FNTB: variants seen among roughly 807,000 people sequenced by gnomAD.
The protein encoded by FNTB is protein farnesyltransferase subunit beta.
A neutral mutation model predicts 59.4 loss-of-function variants in FNTB; 27 were observed. That is an observed-to-expected ratio of 0.45 (90% confidence interval 0.34 to 0.63). The LOEUF is 0.63. FNTB is among the 20% of genes least tolerant of loss of function. The probability of loss-of-function intolerance (pLI) is 0.02; values close to 1 mark genes in which losing one functional copy is unlikely to be tolerated. For synonymous variants in FNTB, 230 were observed against 220.7 expected (o/e 1.04, Z -0.37); for missense variants, 449 against 559.6 (o/e 0.80, Z 1.99).
At chr14:64,996,406 A>T (rs1375684078) in intron 1 of FNTB, among the ~76,000 whole-genome samples, 1 of 152,186 alleles carries the variant, frequency 6.6e-6, no homozygotes, top group Non-Finnish European at 1.5e-5. Flanking sequence ...CCTTTTTGCC[A>T]TATCGTGAGT....
chr14:65,053,557 C>T (rs2062659294), intron 10 of FNTB, among the ~76,000 whole-genome samples: 1 of 151,898 alleles, frequency 6.6e-6, no homozygotes, highest in African/African-American at 2.4e-5. Flanking sequence ...GTCTTGTCCC[C>T]CAGCCTGCAT....
chr14:65,059,959 A>G (rs2062824303), intron 11 of FNTB, among the ~76,000 whole-genome samples: 1 of 149,102 alleles, frequency 6.7e-6, no homozygotes, highest in Non-Finnish European at 1.5e-5. Flanking sequence ...TCAGCCTCCC[A>G]ACTAGCTGGG....
rs1283034452 is a variant in FNTB at position 65,028,913 on chromosome 14, A to G, written c.605+1132A>G. On this transcript the variant is annotated intron_variant, in intron 6 of 11. Transcript: ENST00000246166. This position sits in a 1 kb window ranked among gnomAD's most constrained non-coding sequence, Gnocchi z 4.4. ...ACGCAGCTTTTAAAAACCTACTAAGATTATTAGGCAAAAGCAAACAAATCA... is the reference window on the plus strand; with the variant it reads ...ACGCAGCTTTTAAAAACCTACTAAGGTTATTAGGCAAAAGCAAACAAATCA... 6.7e-6 allele frequency among the ~76,000 whole-genome samples: 1 copy of G among 150,216 alleles called. No individual in the cohort carries two copies. Among genetic ancestry groups the G allele is most frequent in the Middle Eastern group, 3.2e-3 (1 of 310 alleles).
chr14:65,048,020 C>G (rs1300090971), intron 9 of FNTB, among the ~76,000 whole-genome samples: 1 of 118,730 alleles, frequency 8.4e-6, no homozygotes, highest in Non-Finnish European at 1.6e-5. Context: ...CAGAGTCTCA[C>G]TCTGTTGCTG....
chr14:65,048,989 G>C (rs991769131), intron 9 of FNTB, among the ~76,000 whole-genome samples: 3 of 151,978 alleles, frequency 2.0e-5, no homozygotes, highest in African/African-American at 7.2e-5. Flanking sequence ...AGCCAGGCAT[G>C]GTGCCACGTT....
intron 4 of FNTB, among the ~76,000 whole-genome samples, chr14:65,025,268 T>A (rs1379775435): frequency 1.3e-5 from 2 of 152,198 alleles, no homozygotes; most frequent in Non-Finnish European, 2.9e-5. Context: ...TCGGCACGAT[T>A]CTATCTTAGG....
rs527582270 is a variant in FNTB, at chr14:65,011,415, C to T, written c.210-902C>T. ...CTGCACTCCAGCCTGGGTGACAGAG[C>T]GAGACTCCGTCTCAGGAAAAAAAAA... On this transcript the variant is annotated intron_variant, in intron 2 of 11. Coordinates refer to ENST00000246166, the MANE Select transcript of FNTB (RefSeq NM_002028.4). This position sits in a 1 kb window ranked among gnomAD's most constrained non-coding sequence, Gnocchi z 4.0. 1.6e-5 allele frequency among the ~76,000 whole-genome samples: 2 copies of T among 127,936 alleles called. No individual in the cohort carries two copies. Among genetic ancestry groups the T allele is most frequent in the East Asian group, 2.3e-4 (1 of 4,298 alleles). 83.9% of individuals were successfully genotyped at this position (127,936 alleles called of 152,430 possible).
intron 11 of FNTB, among the ~76,000 whole-genome samples, chr14:65,060,696 T>A (rs1279430606): frequency 2.2e-4 from 6 of 27,594 alleles, no homozygotes; most frequent in South Asian, 1.3e-3. Flanking sequence ...AGACTCCGTC[T>A]CAAAAAAAAA....
chr14:65,016,294 A>G (rs1273212396), intron 4 of FNTB, among the ~76,000 whole-genome samples: 1 of 152,220 alleles, frequency 6.6e-6, no homozygotes, highest in East Asian at 1.9e-4. Context: ...TACAGATGGC[A>G]TTCGTGATCT....
chr14:65,015,772 G>C, intron 4 of FNTB, 56 bp downstream of exon 4: 1 of 1,580,708 alleles, frequency 6.3e-7, no homozygotes, highest in Non-Finnish European at 8.7e-7. Context: ...TTTGAGTTTG[G>C]GATTTTGTTT....
intron 11 of FNTB, among the ~76,000 whole-genome samples, chr14:65,060,160 A>G (rs1016677777): frequency 1.3e-5 from 2 of 152,048 alleles, no homozygotes; most frequent in Non-Finnish European, 2.9e-5. Flanking sequence ...AAATGTAAAT[A>G]CATGTTTATT....
chr14:65,015,198 G>T (rs1447544264), intron 3 of FNTB, among the ~76,000 whole-genome samples: 1 of 151,580 alleles, frequency 6.6e-6, no homozygotes, highest in Non-Finnish European at 1.5e-5. Context: ...TGCCTCCCGG[G>T]TTCAAGTGAT....
At position 64,988,527 on chromosome 14, in the gene FNTB, C is replaced by T. The variant is rs567022682; in HGVS notation, c.144+1430C>T. On this transcript the variant is annotated intron_variant, in intron 1 of 11. Transcript: ENST00000246166. ...CTGGCTTACTGCACCCTCCGCCTCC[C>T]GGGTTCACGCCATTCGCCTGCCTCA... is the stretch of plus-strand genomic sequence containing the variant. 1.3e-3 allele frequency among the ~76,000 whole-genome samples: 193 copies of T among 151,448 alleles called. 1 individual carries two copies. Among genetic ancestry groups the T allele is most frequent in the African/African-American group, 4.6e-3 (190 of 41,178 alleles).
rs117929576 is a variant in FNTB at position 65,001,584 on chromosome 14, A to G, written c.145-2665A>G. On this transcript the variant is annotated intron_variant, in intron 1 of 11. Transcript: ENST00000246166. The surrounding 1 kb of genome is among the most constrained non-coding windows in gnomAD (Gnocchi z 5.5). ...TTGTGTAAATACTCCAGCATTTTAT[A>G]TCAAGGACTTGAGCATCCACAGATT... 1.6e-3 allele frequency among the ~76,000 whole-genome samples: 237 copies of G among 152,326 alleles called. 1 individual carries two copies. The highest frequency in any genetic ancestry group is 2.7e-3 in the Non-Finnish European group (183 of 68,034).
In FNTB at chr14:65,011,373, A is replaced by G. The variant is rs1318730918; in HGVS notation, c.210-944A>G. Among the ~76,000 whole-genome samples the G allele has an allele frequency of 6.6e-6, 1 of 151,116 alleles. No homozygotes were observed. Among genetic ancestry groups the G allele is most frequent in the Non-Finnish European group, 1.5e-5 (1 of 67,902 alleles). On this transcript the variant is annotated intron_variant, in intron 2 of 11. Coordinates refer to ENST00000246166, the MANE Select transcript of FNTB (RefSeq NM_002028.4). The surrounding 1 kb of genome is among the most constrained non-coding windows in gnomAD (Gnocchi z 4.0). ...GAACCCAAGAGGTGGAGGTTGCAGT[A>G]AGCTGAAATCACACCACTGCACTCC...
chr14:65,044,951 A>G lies in FNTB; in HGVS notation c.955+508A>G, dbSNP rs529158632. On this transcript the variant is annotated intron_variant, in intron 9 of 11. Coordinates refer to ENST00000246166, the MANE Select transcript of FNTB (RefSeq NM_002028.4). This position sits in a 1 kb window ranked among gnomAD's most constrained non-coding sequence, Gnocchi z 5.5. ...ATGGAGAAGAGACTCGCCGTGTCTG[A>G]CTGGCTGCAGAGTTGTCACTATTAG... Among the ~76,000 whole-genome samples, 54 of 152,162 alleles carry G rather than the reference A, an allele frequency of 3.5e-4. 1 individual carries two copies. Among genetic ancestry groups the G allele is most frequent in the Non-Finnish European group, 2.4e-4 (16 of 68,020 alleles).
intron 4 of FNTB, among the ~76,000 whole-genome samples, chr14:65,024,005 G>A (rs991676112): frequency 9.9e-5 from 15 of 152,160 alleles, no homozygotes; most frequent in African/African-American, 3.4e-4. Context: ...GGGAGGCTGA[G>A]GGAGGAGAAT....
At chr14:65,026,223 A>C (rs563698407) in intron 4 of FNTB, among the ~76,000 whole-genome samples, 2 of 152,288 alleles carry the variant, frequency 1.3e-5, no homozygotes, top group African/African-American at 4.8e-5. Flanking sequence ...GCTGTGGAGA[A>C]ACAGCTTGAT....
Position 65,031,528 on chromosome 14 carries a change from G to C in FNTB, c.606-1082G>C, listed in dbSNP as rs2062083626. Among the ~76,000 whole-genome samples, 1 of 151,724 alleles carries C rather than the reference G, an allele frequency of 6.6e-6. No individual in the cohort carries two copies. Among genetic ancestry groups the C allele is most frequent in the Admixed American group, 6.6e-5 (1 of 15,252 alleles). On this transcript the variant is annotated intron_variant, in intron 6 of 11. Transcript: ENST00000246166. The surrounding 1 kb of genome is among the most constrained non-coding windows in gnomAD (Gnocchi z 4.6). ...AGACGGGGTTTCGCAATATTGGTCA[G>C]GTTGGTCTTGAACTCCTGGCCTCGT...
Sources: gnomAD v4.1 joint callset for allele counts (sites outside exome capture counted in the v4.1 genomes callset) on GRCh38, gnomAD v4.1.1 for gene constraint, Gnocchi (gnomAD v3.1) non-coding constraint, MANE v1.5 for transcripts, NCBI Gene and HGNC (gene_info 2026-07-23, HGNC 2026-07-21) for gene names.